The following NR5A2 variants were observed in gnomAD, a reference collection of about 807,000 sequenced individuals.
NR5A2 encodes the protein nuclear receptor subfamily 5 group A member 2, also known as CYP7A promoter-binding factor.
Under a neutral mutation model 62.7 loss-of-function variants are expected in NR5A2, and 26 were observed. The observed-to-expected ratio is 0.41, with a 90% CI of 0.30 to 0.58. The LOEUF (loss-of-function observed/expected upper bound fraction) is 0.58, where lower values mean the gene tolerates loss of function less well. NR5A2 is among the 20% of genes least tolerant of loss of function. The pLI is 0.22. For missense variants in NR5A2, 541 were observed against 669.1 expected, an observed-to-expected ratio of 0.81 and a Z score of 2.11; for synonymous variants, 246 against 241.7, an observed-to-expected ratio of 1.02 and a Z score of -0.16.
In NR5A2 at chr1:200,059,144, C is replaced by T. The variant is rs182699649; in HGVS notation, c.1110+10326C>T. ...AATAATAATAATTAGAGGAGACCAT[C>T]GTAGGAAACTGAAGACAAAATAATT... On this transcript the variant is annotated intron_variant, in intron 5 of 7. Transcript: ENST00000367362. Among the ~76,000 whole-genome samples, 128 of 152,026 alleles carry T rather than the reference C, an allele frequency of 8.4e-4. No individual in the cohort carries two copies. In the Middle Eastern group the frequency reaches 0.01, roughly 12 times the overall value.
rs66885184 is a variant in NR5A2 at position 200,145,468 on chromosome 1, TTGTGTGTGTGTGTGTGTGTGTG to T, written c.1378+24539_1378+24560del. On this transcript the variant is annotated intron_variant, in intron 7 of 7. Transcript: ENST00000367362. ...GAAACTGGTAGGCCATTGATAGAAT[TTGTGTGTGTGTGTGTGTGTGTG>T]TGTGTGTGTGTGTGTGTGTGTGTGT... is the stretch of plus-strand genomic sequence containing the variant. Among the ~76,000 whole-genome samples, 137 of 142,208 alleles carry T rather than the reference TTGTGTGTGTGTGTGTGTGTGTG, an allele frequency of 9.6e-4. 1 individual carries two copies. The highest frequency in any genetic ancestry group is 2.8e-3 in the African/African-American group (105 of 38,000). 93.3% of individuals were successfully genotyped at this position (142,208 alleles called of 152,430 possible).
At chr1:200,103,218 G>C (rs1267444415) in intron 5 of NR5A2, among the ~76,000 whole-genome samples, 1 of 143,448 alleles carries the variant, frequency 7.0e-6, no homozygotes, top group African/African-American at 2.6e-5. Flanking sequence ...CTGCTTCCCA[G>C]GTTCAAGCAA....
intron 2 of NR5A2, chr1:200,042,842 T>C (rs972311296): frequency 1.1e-5 from 11 of 985,546 alleles, no homozygotes; most frequent in Non-Finnish European, 1.3e-5. Flanking sequence ...GTCATCTTTT[T>C]AGCTGCGAAG....
intron 7 of NR5A2, among the ~76,000 whole-genome samples, chr1:200,154,538 A>G (rs1374738692): frequency 6.6e-6 from 1 of 152,134 alleles, no homozygotes; most frequent in Non-Finnish European, 1.5e-5. Context: ...ACCACTTGCA[A>G]GTAGATAAAC....
intron 7 of NR5A2, among the ~76,000 whole-genome samples, chr1:200,127,899 CTATTTATT>C (rs68047272): frequency 2.7e-5 from 4 of 147,920 alleles, no homozygotes; most frequent in Non-Finnish European, 6.0e-5. Context: ...TACTAAGACA[CTATTTATT>C]TATTTATTTA....
At chr1:200,168,098 A>G (rs1408669304) in intron 7 of NR5A2, among the ~76,000 whole-genome samples, 1 of 152,244 alleles carries the variant, frequency 6.6e-6, no homozygotes, top group East Asian at 1.9e-4. Flanking sequence ...ACACGAAGGT[A>G]TGAAATAATA....
chr1:200,112,462 C>T (rs1665998358), intron 6 of NR5A2, among the ~76,000 whole-genome samples: 1 of 152,206 alleles, frequency 6.6e-6, no homozygotes, highest in Admixed American at 6.5e-5. Context: ...GCACCATGAT[C>T]TTTTATGTTC....
chr1:200,111,144 G>A (rs1665921884), intron 5 of NR5A2, 58 bp from the exon 6 acceptor site: 1 of 1,576,572 alleles, frequency 6.3e-7, no homozygotes, highest in Non-Finnish European at 8.6e-7. Flanking sequence ...CAAAAAAGTA[G>A]TGAATAACAG....
chr1:200,118,417 C>T (rs1048179333), intron 6 of NR5A2, among the ~76,000 whole-genome samples: 2 of 152,218 alleles, frequency 1.3e-5, no homozygotes, highest in Admixed American at 6.5e-5. Context: ...CTTGTCCCAT[C>T]TATGATTCTT....
chr1:200,149,873 TC>T lies in NR5A2; in HGVS notation c.1379-24089del, dbSNP rs138303639. Among the ~76,000 whole-genome samples, 1,201 of 152,300 alleles carry T rather than the reference TC, an allele frequency of 7.9e-3. 14 individuals carry two copies. The highest frequency in any genetic ancestry group is 0.026 in the African/African-American group (1,080 of 41,562). Reference sequence around the variant, plus strand: ...ATGAACTACTATTCATCATTTAGGGTCTCACTAAATGTTGCTTCTTTGAAGA... The same window carrying T: ...ATGAACTACTATTCATCATTTAGGGTTCACTAAATGTTGCTTCTTTGAAGA... On this transcript the variant is annotated intron_variant, in intron 7 of 7. Coordinates refer to ENST00000367362, the MANE Select transcript of NR5A2 (RefSeq NM_205860.3).
rs769312861 is a variant in NR5A2 at position 200,048,664 on chromosome 1, A to C, written c.956A>C (p.Gln319Pro). 6.2e-7 allele frequency: 1 copy of C among 1,614,236 alleles called. No individual in the cohort carries two copies. The highest frequency in any genetic ancestry group is 1.1e-5 in the South Asian group (1 of 91,084). ...LKCEPDEPQV[Q>P]AKIMAYLQQE... ...TGTGAGCCAGATGAGCCTCAAGTCC[A>C]GGCTAAAATCATGGCCTATTTGCAG... is the stretch of plus-strand genomic sequence containing the variant. Residue 319 changes from glutamine (Q) to proline (P), a missense_variant, in exon 5 of 8, where the codon CAG becomes CCG. Gln to Pro is a moderately conservative substitution (Grantham distance 76). This residue lies in a region of NR5A2 where 379 missense variants were observed against 442.0 expected (regional missense o/e 0.86). Transcript: ENST00000367362. The surrounding 1 kb of genome is among the most constrained non-coding windows in gnomAD (Gnocchi z 4.8).
intron 7 of NR5A2, among the ~76,000 whole-genome samples, chr1:200,125,751 G>T (rs1666674867): frequency 6.6e-6 from 1 of 152,130 alleles, no homozygotes; most frequent in African/African-American, 2.4e-5. Flanking sequence ...AAACAGTATT[G>T]TTTATTAATA....
intron 7 of NR5A2, among the ~76,000 whole-genome samples, chr1:200,163,005 T>C (rs184796618): frequency 6.6e-6 from 1 of 152,000 alleles, no homozygotes; most frequent in Non-Finnish European, 1.5e-5. Flanking sequence ...GGTCACTGAG[T>C]GAGCTGGTGA....
Position 200,085,353 on chromosome 1 carries a change from A to G in NR5A2, c.1111-25849A>G, listed in dbSNP as rs143232067. On this transcript the variant is annotated intron_variant, in intron 5 of 7. Transcript: ENST00000367362. ...CCTGGTGCTGTATTTGATTGATTCA[A>G]CAAATACTTGGGCTTGGCACAAGGC... Among the ~76,000 whole-genome samples, 872 of 152,244 alleles carry G rather than the reference A, an allele frequency of 5.7e-3. 13 individuals are homozygous for G. Among genetic ancestry groups the G allele is most frequent in the African/African-American group, 0.02 (834 of 41,522 alleles).
intron 2 of NR5A2, among the ~76,000 whole-genome samples, chr1:200,043,283 C>A (rs554744133): frequency 6.6e-6 from 1 of 152,190 alleles, no homozygotes; most frequent in Non-Finnish European, 1.5e-5. Context: ...GCTTCAGTTT[C>A]TCTGTCGGAC....
At chr1:200,126,049 T>C (rs1343348078) in intron 7 of NR5A2, among the ~76,000 whole-genome samples, 5 of 152,154 alleles carry the variant, frequency 3.3e-5, no homozygotes, top group Non-Finnish European at 5.9e-5. Context: ...GGTCTCACTA[T>C]GTTGCCCAGG....
intron 7 of NR5A2, among the ~76,000 whole-genome samples, chr1:200,131,424 A>T (rs1023401468): frequency 1.3e-5 from 2 of 152,208 alleles, no homozygotes; most frequent in African/African-American, 4.8e-5. Flanking sequence ...TGAATACCTT[A>T]TGCCTAAAAA....
chr1:200,074,387 T>C (rs1663902582), intron 5 of NR5A2, among the ~76,000 whole-genome samples: 1 of 147,796 alleles, frequency 6.8e-6, no homozygotes, highest in Non-Finnish European at 1.5e-5. Context: ...CAAGACCCTG[T>C]CTTTAATCTA....
chr1:200,123,415 G>A (rs371703565), intron 7 of NR5A2, among the ~76,000 whole-genome samples: 2 of 152,154 alleles, frequency 1.3e-5, no homozygotes, highest in Non-Finnish European at 2.9e-5. Flanking sequence ...TGATGGATAC[G>A]GCTTGAGGGA....
Sources: allele counts gnomAD v4.1 joint callset (sites outside exome capture counted in the v4.1 genomes callset), GRCh38; gene constraint gnomAD v4.1.1; regional missense constraint gnomAD v4.1.1; non-coding constraint Gnocchi (gnomAD v3.1); transcripts MANE v1.5; gene names NCBI Gene and HGNC (gene_info 2026-07-23, HGNC 2026-07-21).